The following KPNA5 variants were observed in gnomAD, a reference collection of about 807,000 sequenced individuals.
KPNA5 encodes karyopherin subunit alpha 5.
KPNA5 carries 46 observed loss-of-function variants against 71.3 expected under a neutral mutation model. The observed-to-expected ratio is 0.65, with a 90% CI of 0.51 to 0.83. KPNA5 has a LOEUF of 0.83. Among genes scored for constraint, KPNA5 ranks in the 40% least tolerant of loss-of-function variants. KPNA5 has a pLI of 0.00. For synonymous variants in KPNA5, 207 were observed against 201.4 expected, an observed-to-expected ratio of 1.03 and a Z score of -0.24; for missense variants, 547 against 628.3, an observed-to-expected ratio of 0.87 and a Z score of 1.38.
In KPNA5 at chr6:116,725,844, A is replaced by G. The variant is rs758400285; in HGVS notation, c.1093A>G (p.Asn365Asp). 2 of 1,613,374 alleles carry G rather than the reference A, an allele frequency of 1.2e-6. No individual in the cohort carries two copies. The highest frequency in any genetic ancestry group is 1.7e-6 in the Non-Finnish European group (2 of 1,179,564). The change falls in exon 11 of 14, where the codon AAC becomes GAC. Residue 365 changes from asparagine (N) to aspartate (D), a missense_variant. By Grantham distance (23) the Asn-to-Asp change is conservative. Coordinates refer to ENST00000368564, the MANE Select transcript of KPNA5 (RefSeq NM_001366306.2). ...IRKEACWTVSNITAGNRAQIQ... is the reference protein window; with the variant it reads ...IRKEACWTVSDITAGNRAQIQ... ...AAAAGAAGCCTGCTGGACTGTTTCT[A>G]ACATCACTGCTGGAAATAGAGCTCA... is the stretch of plus-strand genomic sequence containing the variant.
chr6:116,686,177 C>T lies in KPNA5; in HGVS notation c.5-3143C>T, dbSNP rs534217895. 1.1e-4 allele frequency among the ~76,000 whole-genome samples: 17 copies of T among 152,192 alleles called. No individual in the cohort carries two copies. In the East Asian group the frequency reaches 2.5e-3, roughly 22 times the overall value. ...GGCTCTGCCTCCCGCCTCTGCCTCC[C>T]GAAGTGCTGGGATTACAGGTGTGAG... On this transcript the variant is annotated intron_variant, in intron 1 of 13. Transcript: ENST00000368564.
intron 7 of KPNA5, among the ~76,000 whole-genome samples, chr6:116,713,155 C>T (rs1778767352): frequency 6.6e-6 from 1 of 152,154 alleles, no homozygotes; most frequent in Admixed American, 6.5e-5. Flanking sequence ...ATGTAGCTAT[C>T]TTTAGCAGTA....
chr6:116,682,267 T>G (rs1777392086), intron 1 of KPNA5, among the ~76,000 whole-genome samples: 1 of 152,092 alleles, frequency 6.6e-6, no homozygotes, highest in South Asian at 2.1e-4. Context: ...CGGCGGAGCT[T>G]GCAGTGAGCC....
intron 1 of KPNA5, among the ~76,000 whole-genome samples, chr6:116,685,722 A>G (rs951576703): frequency 6.6e-6 from 1 of 151,960 alleles, no homozygotes; most frequent in East Asian, 1.9e-4. Context: ...TGTCTTTCCT[A>G]TTGTAAAAAC....
chr6:116,736,711 T>C lies in KPNA5; in HGVS notation c.*4388T>C, dbSNP rs1253797258. 1 of 152,024 alleles carries C rather than the reference T, an allele frequency of 6.6e-6. No individual in the cohort carries two copies. The highest frequency in any genetic ancestry group is 1.5e-5 in the Non-Finnish European group (1 of 67,946). The allele number at this position is 152,024 out of a possible 1,614,324, so 9.4% of individuals were successfully genotyped here. A position where few individuals can be genotyped will look rare whatever the true frequency, so the allele number is the denominator to read the frequency against. ...TCATTTCCAATTCCGCTTATATTAG[T>C]CTGCCTGAAATACTCACACAGCTTA... On this transcript the variant is annotated 3_prime_UTR_variant, in exon 14 of 14. Transcript: ENST00000368564.
chr6:116,707,522 C>T (rs746357411), intron 7 of KPNA5, among the ~76,000 whole-genome samples: 2 of 152,262 alleles, frequency 1.3e-5, no homozygotes, highest in East Asian at 3.9e-4. Flanking sequence ...TAAGTTTTAT[C>T]GGAACACAGT....
At chr6:116,683,119 A>T (rs1777423968) in intron 1 of KPNA5, among the ~76,000 whole-genome samples, 2 of 152,244 alleles carry the variant, frequency 1.3e-5, no homozygotes, top group African/African-American at 2.4e-5. Context: ...GCACAAGGTG[A>T]TCCAGTCAGA....
chr6:116,681,225 A>T lies in KPNA5; in HGVS notation c.-110A>T. 6.8e-7 allele frequency: 1 copy of T among 1,478,856 alleles called. No homozygotes were observed. Among genetic ancestry groups the T allele is most frequent in the South Asian group, 1.2e-5 (1 of 86,362 alleles). 91.6% of individuals were successfully genotyped at this position (1,478,856 alleles called of 1,614,324 possible). A position where few individuals can be genotyped will look rare whatever the true frequency, so the allele number is the denominator to read the frequency against. ...AGGTGGCCGCCATCTTGGATTGCGA[A>T]CTGGGTCGCTACGCTTCACGCCAGG... On this transcript the variant is annotated 5_prime_UTR_variant, in exon 1 of 14. Coordinates refer to ENST00000368564, the MANE Select transcript of KPNA5 (RefSeq NM_001366306.2).
intron 1 of KPNA5, among the ~76,000 whole-genome samples, chr6:116,683,133 G>A (rs1254749346): frequency 6.6e-6 from 1 of 152,044 alleles, no homozygotes; most frequent in East Asian, 1.9e-4. Context: ...AGTCAGATGT[G>A]GTAAGAAAAT....
At chr6:116,716,174 A>G (rs567472113) in intron 7 of KPNA5, 45 bp from the exon 8 acceptor site, 3 of 1,436,052 alleles carry the variant, frequency 2.1e-6, no homozygotes, top group South Asian at 2.4e-5. Context: ...TAAAGAGGAA[A>G]AATGAATGTA....
At chr6:116,725,363 T>G (rs1779252446) in intron 10 of KPNA5, among the ~76,000 whole-genome samples, 2 of 152,216 alleles carry the variant, frequency 1.3e-5, no homozygotes, top group African/African-American at 4.8e-5. Context: ...TTTTAATGGT[T>G]GTAGAATTGG....
chr6:116,717,987 G>A (rs1412673194), intron 8 of KPNA5, among the ~76,000 whole-genome samples: 1 of 152,152 alleles, frequency 6.6e-6, no homozygotes, highest in Non-Finnish European at 1.5e-5. Flanking sequence ...TAACACTTTA[G>A]TGCAGCAGGT....
intron 4 of KPNA5, among the ~76,000 whole-genome samples, chr6:116,694,333 A>G (rs9481658): frequency 0.28 from 42,426 of 152,010 alleles, 6,685 homozygotes; most frequent in African/African-American, 0.43. Flanking sequence ...TGGGCAGTAT[A>G]GCCATTTTCA....
At position 116,733,488 on chromosome 6, in the gene KPNA5, A is replaced by C. The variant is rs1271451856; in HGVS notation, c.*1165A>C. 6.6e-6 allele frequency: 1 copy of C among 151,546 alleles called. No individual in the cohort carries two copies. Among genetic ancestry groups the C allele is most frequent in the Non-Finnish European group, 1.5e-5 (1 of 67,656 alleles). 9.4% of individuals were successfully genotyped at this position (151,546 alleles called of 1,614,324 possible). A position where few individuals can be genotyped will look rare whatever the true frequency, so the allele number is the denominator to read the frequency against. ...TTCTGCTGCTTGTTATGAATCATAG[A>C]TTACATTCATGTCAGATTGATCAAT... On this transcript the variant is annotated 3_prime_UTR_variant, in exon 14 of 14. Coordinates refer to ENST00000368564, the MANE Select transcript of KPNA5 (RefSeq NM_001366306.2).
At chr6:116,724,640 G>C (rs1779230982) in intron 10 of KPNA5, among the ~76,000 whole-genome samples, 1 of 152,042 alleles carries the variant, frequency 6.6e-6, no homozygotes, top group Admixed American at 6.6e-5. Context: ...TCCTAGGCTG[G>C]GGTGCAGTGG....
At position 116,732,150 on chromosome 6, in the gene KPNA5, G is replaced by T; in HGVS notation, c.1447G>T (p.Glu483Ter). The part of the protein sequence containing the change: ...IEEAYGLDKI[E>*]FLQSHENQEI... ...TTGTATAACAGGTCTGGATAAAATT[G>T]AGTTTTTGCAAAGCCATGAAAATCA... The change falls in exon 14 of 14, where the codon GAG becomes TAG. Residue 483 changes from glutamate (E) to a stop codon, truncating the protein, a stop_gained. Coordinates refer to ENST00000368564, the MANE Select transcript of KPNA5 (RefSeq NM_001366306.2). LOFTEE classifies it high-confidence loss of function. The T allele has an allele frequency of 7.0e-7, 1 of 1,438,772 alleles. No individual in the cohort carries two copies. The highest frequency in any genetic ancestry group is 1.5e-5 in the African/African-American group (1 of 64,712). 89.1% of individuals were successfully genotyped at this position (1,438,772 alleles called of 1,614,324 possible).
chr6:116,729,837 A>G (rs1170782802), intron 13 of KPNA5, 96 bp downstream of exon 13: 1 of 743,134 alleles, frequency 1.3e-6, no homozygotes, highest in Non-Finnish European at 2.0e-6. Context: ...TTGTAAAAGC[A>G]GTATGTATTT....
intron 7 of KPNA5, among the ~76,000 whole-genome samples, chr6:116,708,756 CAACT>C (rs932931842): frequency 2.6e-5 from 4 of 151,952 alleles, no homozygotes; most frequent in African/African-American, 9.7e-5. Context: ...TATAGAAATA[CAACT>C]AACTGATTTT....
intron 7 of KPNA5, among the ~76,000 whole-genome samples, chr6:116,710,783 T>C (rs1778631286): frequency 6.7e-6 from 1 of 149,702 alleles, no homozygotes; most frequent in Non-Finnish European, 1.5e-5. Flanking sequence ...CTTTCTTGGC[T>C]TTTGATGATA....
Sources: allele counts gnomAD v4.1 joint callset (sites outside exome capture counted in the v4.1 genomes callset), GRCh38; gene constraint gnomAD v4.1.1; transcripts MANE v1.5; gene names NCBI Gene and HGNC (gene_info 2026-07-23, HGNC 2026-07-21).